KCNH7: variants seen among roughly 807,000 people sequenced by gnomAD.
KCNH7 encodes the protein potassium voltage-gated channel subfamily H member 7, also known as voltage-gated inwardly rectifying potassium channel KCNH7.
A neutral mutation model predicts 120.8 loss-of-function variants in KCNH7; 49 were observed. The observed-to-expected ratio is 0.41, with a 90% CI of 0.32 to 0.51. The LOEUF (loss-of-function observed/expected upper bound fraction) is 0.51, where lower values mean the gene tolerates loss of function less well. KCNH7 is among the 20% of genes least tolerant of loss of function. KCNH7 has a pLI of 0.38. For synonymous variants in KCNH7, 547 were observed against 516.1 expected, an observed-to-expected ratio of 1.06 and a Z score of -0.81; for missense variants, 1,097 against 1,446.6, an observed-to-expected ratio of 0.76 and a Z score of 3.92.
intron 2 of KCNH7, among the ~76,000 whole-genome samples, chr2:162,713,225 A>T (rs1686989888): frequency 6.6e-6 from 1 of 152,140 alleles, no homozygotes; most frequent in Non-Finnish European, 1.5e-5. Flanking sequence ...GACAACAGGG[A>T]TGTAGATTCT....
chr2:162,394,373 G>A lies in KCNH7; in HGVS notation c.2710+16C>T, dbSNP rs1573908246. 1 of 1,363,530 alleles carries A rather than the reference G, an allele frequency of 7.3e-7. No homozygotes were observed. The highest frequency in any genetic ancestry group is 1.7e-5 in the Admixed American group (1 of 58,968). 84.5% of individuals were successfully genotyped at this position (1,363,530 alleles called of 1,614,324 possible). ...CACATGCTCTACATTTAAACTTTAG[G>A]AATGGAATGAATTACCTTTCTCTCC... On this transcript the variant is annotated intron_variant, in intron 12 of 15. Coordinates refer to ENST00000332142, the MANE Select transcript of KCNH7 (RefSeq NM_033272.4).
At chr2:162,774,753 C>G (rs1456114522) in intron 2 of KCNH7, among the ~76,000 whole-genome samples, 1 of 151,898 alleles carries the variant, frequency 6.6e-6, no homozygotes, top group East Asian at 1.9e-4. Context: ...ATAATTCTAC[C>G]CCACTGAAAT....
intron 6 of KCNH7, among the ~76,000 whole-genome samples, chr2:162,496,090 C>G (rs1690488349): frequency 6.6e-6 from 1 of 152,102 alleles, no homozygotes; most frequent in African/African-American, 2.4e-5. Context: ...CATGGATGTG[C>G]CATTCTTCCA....
At chr2:162,565,678 T>C (rs1693227341) in intron 2 of KCNH7, among the ~76,000 whole-genome samples, 1 of 152,086 alleles carries the variant, frequency 6.6e-6, no homozygotes, top group South Asian at 2.1e-4. Flanking sequence ...GAGTCTGATG[T>C]CAGCTCTTGG....
intron 9 of KCNH7, among the ~76,000 whole-genome samples, chr2:162,415,469 T>C (rs551887887): frequency 2.0e-5 from 3 of 152,282 alleles, no homozygotes; most frequent in African/African-American, 7.2e-5. Flanking sequence ...GTGTTGTCTG[T>C]AAGTGAAAAG....
At chr2:162,694,963 G>C (rs1686239081) in intron 2 of KCNH7, among the ~76,000 whole-genome samples, 1 of 151,994 alleles carries the variant, frequency 6.6e-6, no homozygotes, top group Non-Finnish European at 1.5e-5. Flanking sequence ...GGCTGATCTT[G>C]AACTCCTGAC....
Position 162,524,365 on chromosome 2 carries a change from C to T in KCNH7, c.464-6207G>A, listed in dbSNP as rs187979890. Reference sequence around the variant, plus strand: ...TAATGCTGGATAAGGTAGTTTCCTGCCTTAAACTACAATTTCCAGGGAGGG... The same window carrying T: ...TAATGCTGGATAAGGTAGTTTCCTGTCTTAAACTACAATTTCCAGGGAGGG... On this transcript the variant is annotated intron_variant, in intron 3 of 15. Transcript: ENST00000332142. 9.8e-4 allele frequency among the ~76,000 whole-genome samples: 149 copies of T among 152,088 alleles called. 2 individuals carry two copies. Among genetic ancestry groups the T allele is most frequent in the African/African-American group, 3.4e-3 (140 of 41,538 alleles).
chr2:162,826,193 G>A (rs1036393169), intron 2 of KCNH7, among the ~76,000 whole-genome samples: 1 of 152,108 alleles, frequency 6.6e-6, no homozygotes, highest in African/African-American at 2.4e-5. Context: ...TGCTTCCAAT[G>A]TGTAGAGAAA....
intron 9 of KCNH7, among the ~76,000 whole-genome samples, chr2:162,414,605 CTATA>C (rs1388957576): frequency 6.6e-6 from 1 of 151,522 alleles, no homozygotes; most frequent in Admixed American, 6.6e-5. Context: ...AATTATGCAA[CTATA>C]TGTGTGTGTA....
At chr2:162,483,999 G>A (rs1196965456) in intron 6 of KCNH7, among the ~76,000 whole-genome samples, 2 of 152,120 alleles carry the variant, frequency 1.3e-5, no homozygotes, top group East Asian at 1.9e-4. Context: ...GAGCACTGGA[G>A]TCAGAGTCCA....
intron 2 of KCNH7, among the ~76,000 whole-genome samples, chr2:162,752,950 A>G (rs530266226): frequency 1.8e-4 from 19 of 108,292 alleles, no homozygotes; most frequent in African/African-American, 9.0e-4. Context: ...AAAGAAAAGA[A>G]AAGAAAAGAA....
intron 2 of KCNH7, among the ~76,000 whole-genome samples, chr2:162,657,771 C>A (rs1005986219): frequency 6.6e-6 from 1 of 152,022 alleles, no homozygotes; most frequent in East Asian, 1.9e-4. Context: ...AGTGACTGTA[C>A]CATTTTCCAT....
intron 8 of KCNH7, among the ~76,000 whole-genome samples, chr2:162,431,184 G>A (rs1253334015): frequency 1.3e-5 from 2 of 151,918 alleles, no homozygotes; most frequent in East Asian, 3.9e-4. Flanking sequence ...AAGATAGAAG[G>A]CTGATTGCCT....
chr2:162,623,033 T>A (rs1043848116), intron 2 of KCNH7, among the ~76,000 whole-genome samples: 2 of 152,164 alleles, frequency 1.3e-5, no homozygotes, highest in Non-Finnish European at 2.9e-5. Flanking sequence ...ATTCCTACAT[T>A]ATTCATGGTT....
At chr2:162,711,885 CA>C (rs769443080) in intron 2 of KCNH7, among the ~76,000 whole-genome samples, 1 of 151,484 alleles carries the variant, frequency 6.6e-6, no homozygotes, top group Non-Finnish European at 1.5e-5. Flanking sequence ...ACAAAACAAA[CA>C]AAAAAAATGC....
intron 6 of KCNH7, among the ~76,000 whole-genome samples, chr2:162,479,294 C>T (rs1212048296): frequency 6.6e-6 from 1 of 151,416 alleles, no homozygotes; most frequent in Non-Finnish European, 1.5e-5. Flanking sequence ...AAAGGATACC[C>T]TTGTGTATTG....
intron 2 of KCNH7, among the ~76,000 whole-genome samples, chr2:162,808,870 A>T (rs1015700874): frequency 6.6e-6 from 1 of 152,208 alleles, no homozygotes; most frequent in Non-Finnish European, 1.5e-5. Flanking sequence ...GGTGCAAAAC[A>T]GTCAGCTGCT....
At chr2:162,631,833 A>T (rs976782913) in intron 2 of KCNH7, among the ~76,000 whole-genome samples, 27 of 152,024 alleles carry the variant, frequency 1.8e-4, no homozygotes, top group African/African-American at 5.5e-4. Context: ...AGTTTGACAC[A>T]AGAAATATTA....
chr2:162,605,518 C>A (rs992535571), intron 2 of KCNH7, among the ~76,000 whole-genome samples: 1 of 152,082 alleles, frequency 6.6e-6, no homozygotes, highest in African/African-American at 2.4e-5. Flanking sequence ...AATAAACAGA[C>A]ACCTAGAGAA....
Sources: allele counts gnomAD v4.1 joint callset (sites outside exome capture counted in the v4.1 genomes callset), GRCh38; gene constraint gnomAD v4.1.1; transcripts MANE v1.5; gene names NCBI Gene and HGNC (gene_info 2026-07-23, HGNC 2026-07-21).